The following SLC4A10 variants were observed in gnomAD, a reference collection of about 807,000 sequenced individuals.
The protein encoded by SLC4A10 is sodium-driven chloride bicarbonate exchanger.
In SLC4A10, 42 loss-of-function variants were observed where a neutral mutation model predicts 137.7. The ratio of observed to expected loss-of-function variants is 0.30; its 90% CI spans 0.24 to 0.39. The LOEUF (loss-of-function observed/expected upper bound fraction) is 0.39. SLC4A10 is among the 10% of genes least tolerant of loss of function. The probability of loss-of-function intolerance (pLI) is 1.00; values close to 1 mark genes in which losing one functional copy is unlikely to be tolerated. For missense variants in SLC4A10, 925 were observed against 1,355.0 expected, an observed-to-expected ratio of 0.68 and a Z score of 4.98; for synonymous variants, 474 against 464.1, an observed-to-expected ratio of 1.02 and a Z score of -0.27.
chr2:161,838,717 A>G (rs1575212836), intron 3 of SLC4A10, among the ~76,000 whole-genome samples: 1 of 152,246 alleles, frequency 6.6e-6, no homozygotes, highest in African/African-American at 2.4e-5. Context: ...AAATAAACTC[A>G]GGAAAAATTG....
intron 2 of SLC4A10, among the ~76,000 whole-genome samples, chr2:161,802,688 G>A (rs2055501154): frequency 6.6e-6 from 1 of 152,092 alleles, no homozygotes; most frequent in African/African-American, 2.4e-5. Context: ...TGGAGGCTGG[G>A]ACACCTAAGA....
chr2:161,672,343 GT>G (rs1477816208), intron 1 of SLC4A10, among the ~76,000 whole-genome samples: 1 of 151,760 alleles, frequency 6.6e-6, no homozygotes, highest in Admixed American at 6.6e-5. Flanking sequence ...AAAATTTAAT[GT>G]TTAAAAAAAC....
intron 6 of SLC4A10, among the ~76,000 whole-genome samples, chr2:161,868,811 A>C (rs1484859186): frequency 6.6e-6 from 1 of 151,708 alleles, no homozygotes. Flanking sequence ...TCTACTTTTC[A>C]TCAGTTTTTT....
At chr2:161,747,873 C>G (rs957174002) in intron 1 of SLC4A10, among the ~76,000 whole-genome samples, 16 of 152,114 alleles carry the variant, frequency 1.1e-4, no homozygotes, top group African/African-American at 3.9e-4. Context: ...AAGCTCCATA[C>G]TGTTTTCCAT....
At chr2:161,794,539 A>C (rs2054549230) in intron 2 of SLC4A10, among the ~76,000 whole-genome samples, 1 of 152,146 alleles carries the variant, frequency 6.6e-6, no homozygotes, top group African/African-American at 2.4e-5. Flanking sequence ...AATATACCTA[A>C]GGTAGACACA....
intron 1 of SLC4A10, among the ~76,000 whole-genome samples, chr2:161,739,827 T>A (rs1368571261): frequency 6.6e-6 from 1 of 152,212 alleles, no homozygotes; most frequent in Non-Finnish European, 1.5e-5. Flanking sequence ...CCCCATTTCA[T>A]GGACTCAGGT....
At chr2:161,869,547 A>C (rs2060977916) in intron 6 of SLC4A10, among the ~76,000 whole-genome samples, 1 of 151,614 alleles carries the variant, frequency 6.6e-6, no homozygotes, top group Non-Finnish European at 1.5e-5. Flanking sequence ...TAAGCTTTTT[A>C]AAAGACTTCT....
At chr2:161,882,674 C>G (rs999869510) in intron 10 of SLC4A10, among the ~76,000 whole-genome samples, 1 of 152,012 alleles carries the variant, frequency 6.6e-6, no homozygotes, top group Non-Finnish European at 1.5e-5. Flanking sequence ...GAAATTTTTT[C>G]AGTGACACTT....
At chr2:161,690,196 G>A (rs1047117540) in intron 1 of SLC4A10, among the ~76,000 whole-genome samples, 1 of 152,100 alleles carries the variant, frequency 6.6e-6, no homozygotes, top group African/African-American at 2.4e-5. Context: ...ATAAATAAAA[G>A]CTCAACATCA....
chr2:161,711,428 T>C (rs907721074), intron 1 of SLC4A10, among the ~76,000 whole-genome samples: 1 of 151,788 alleles, frequency 6.6e-6, no homozygotes, highest in South Asian at 2.1e-4. Context: ...TTGAATAAAA[T>C]GGGGGAATAG....
At chr2:161,844,679 G>GA (rs1192764021) in intron 4 of SLC4A10, among the ~76,000 whole-genome samples, 3 of 151,952 alleles carry the variant, frequency 2.0e-5, no homozygotes, top group Admixed American at 6.6e-5. Flanking sequence ...AAGTTCTCTA[G>GA]AAAAAACCTT....
In SLC4A10 at chr2:161,978,384, CA is replaced by C. The variant is rs61399867; in HGVS notation, c.*26+641del. On this transcript the variant is annotated intron_variant, in intron 26 of 26. Transcript: ENST00000446997. Reference sequence around the variant, plus strand: ...CCTGGGCAACAGAGAGAGACTCTGTCAAAAAAAAAAAAAAAAAGAAAAGAAA... The same window carrying C: ...CCTGGGCAACAGAGAGAGACTCTGTCAAAAAAAAAAAAAAAAGAAAAGAAA... 9.9e-4 allele frequency among the ~76,000 whole-genome samples: 90 copies of C among 90,482 alleles called. 1 individual carries two copies. The East Asian group carries it at 0.016, about 16-fold the overall frequency. 59.4% of individuals were successfully genotyped at this position (90,482 alleles called of 152,430 possible).
At chr2:161,798,348 CAT>C (rs1241027723) in intron 2 of SLC4A10, among the ~76,000 whole-genome samples, 2 of 151,858 alleles carry the variant, frequency 1.3e-5, no homozygotes, top group African/African-American at 4.8e-5. Flanking sequence ...AAACAAAAGA[CAT>C]AGAGTTCTCT....
chr2:161,628,753 G>C (rs2032951375), intron 1 of SLC4A10, among the ~76,000 whole-genome samples: 1 of 152,008 alleles, frequency 6.6e-6, no homozygotes, highest in Non-Finnish European at 1.5e-5. Flanking sequence ...CATGGTGAGT[G>C]ACTATGGAAA....
intron 1 of SLC4A10, among the ~76,000 whole-genome samples, chr2:161,767,253 TA>T (rs2125399632): frequency 7.0e-6 from 1 of 142,566 alleles, no homozygotes. Context: ...TATATATATA[TA>T]TTCAGGCTTT....
intron 16 of SLC4A10, among the ~76,000 whole-genome samples, chr2:161,945,345 A>G (rs1057457968): frequency 1.3e-5 from 2 of 150,932 alleles, no homozygotes; most frequent in African/African-American, 4.9e-5. Context: ...TTACATATTT[A>G]GCTTGTACAT....
At chr2:161,846,583 T>C (rs1349794543) in intron 4 of SLC4A10, among the ~76,000 whole-genome samples, 1 of 152,178 alleles carries the variant, frequency 6.6e-6, no homozygotes, top group East Asian at 1.9e-4. Context: ...ATGTCCCCCA[T>C]GGGTGACTGA....
chr2:161,964,117 GTC>G lies in SLC4A10; in HGVS notation c.2863-16_2863-15del, dbSNP rs745723906. 107 of 1,568,244 alleles carry G rather than the reference GTC, an allele frequency of 6.8e-5. No homozygotes were observed. In the Admixed American group the frequency reaches 8.0e-4, roughly 12 times the overall value. On this transcript the variant is annotated splice_polypyrimidine_tract_variant and intron_variant, in intron 21 of 26. Coordinates refer to ENST00000446997, the MANE Select transcript of SLC4A10 (RefSeq NM_001178015.2). ...TTGTCTTACACCTAAAAACAATTTA[GTC>G]TGTTTAATCTTTTAGTTCTTTGATA...
In SLC4A10 at chr2:161,869,977, CTAGT is replaced by C. The variant is rs2061009788; in HGVS notation, c.767-2313_767-2310del. Among the ~76,000 whole-genome samples the C allele has an allele frequency of 2.6e-5, 4 of 151,370 alleles. 1 individual carries two copies. In the South Asian group the frequency reaches 8.3e-4, roughly 31 times the overall value. On this transcript the variant is annotated intron_variant, in intron 6 of 26. Coordinates refer to ENST00000446997, the MANE Select transcript of SLC4A10 (RefSeq NM_001178015.2). The stretch of plus-strand genomic sequence containing the variant: ...TTACTGTCATCTGATGTGTCTGCTG[CTAGT>C]TAAACTCTCAACTAGGTCATTATCA...
Sources: allele counts gnomAD v4.1 joint callset (sites outside exome capture counted in the v4.1 genomes callset), GRCh38; gene constraint gnomAD v4.1.1; transcripts MANE v1.5; gene names NCBI Gene and HGNC (gene_info 2026-07-23, HGNC 2026-07-21).